The following FAM163B variants were observed in gnomAD, a reference collection of about 807,000 sequenced individuals.
FAM163B encodes protein FAM163B.
FAM163B carries 4 observed loss-of-function variants against 7.6 expected under a neutral mutation model. That is an observed-to-expected ratio of 0.52 (90% CI 0.26 to 1.20). The LOEUF (loss-of-function observed/expected upper bound fraction) is 1.20, where lower values mean the gene tolerates loss of function less well. FAM163B is among the 50% of genes most tolerant of loss of function. The probability of loss-of-function intolerance (pLI) is 0.14; values close to 1 mark genes in which losing one functional copy is unlikely to be tolerated. For missense variants in FAM163B, 250 were observed against 243.0 expected (o/e 1.03, Z -0.19); for synonymous variants, 120 against 111.6 (o/e 1.07, Z -0.47).
intron 1 of FAM163B, among the ~76,000 whole-genome samples, chr9:133,598,385 T>G (rs1831661569): frequency 2.0e-5 from 3 of 149,324 alleles, no homozygotes. Flanking sequence ...AACACAGGAG[T>G]GTGAAACAAA....
intron 1 of FAM163B, among the ~76,000 whole-genome samples, chr9:133,604,661 G>A (rs999041950): frequency 5.3e-5 from 8 of 152,210 alleles, no homozygotes; most frequent in African/African-American, 1.2e-4. Flanking sequence ...CGTGGTGGGC[G>A]GTGAGTCTCA....
intron 1 of FAM163B, among the ~76,000 whole-genome samples, chr9:133,605,631 C>G (rs1249352094): frequency 6.6e-6 from 1 of 152,208 alleles, no homozygotes; most frequent in Non-Finnish European, 1.5e-5. Flanking sequence ...TAACATCCAG[C>G]CCAGTGGGAT....
intron 1 of FAM163B, among the ~76,000 whole-genome samples, chr9:133,585,215 G>A (rs1302237416): frequency 1.3e-5 from 2 of 152,220 alleles, no homozygotes; most frequent in African/African-American, 4.8e-5. Flanking sequence ...AATGAATGGC[G>A]TGGAGCTGGG....
chr9:133,592,297 C>G (rs1240510081), intron 1 of FAM163B, among the ~76,000 whole-genome samples: 1 of 152,192 alleles, frequency 6.6e-6, no homozygotes, highest in African/African-American at 2.4e-5. Context: ...GGAATCACGA[C>G]TGCAACTCCA....
chr9:133,588,610 T>C, intron 1 of FAM163B, among the ~76,000 whole-genome samples: 1 of 152,216 alleles, frequency 6.6e-6, no homozygotes, highest in Non-Finnish European at 1.5e-5. Context: ...GGATCTAGGA[T>C]GCTGAAGGAT....
chr9:133,594,137 C>A (rs555962050), intron 1 of FAM163B, among the ~76,000 whole-genome samples: 2 of 152,234 alleles, frequency 1.3e-5, no homozygotes, highest in African/African-American at 4.8e-5. Flanking sequence ...CCAGTGGCCA[C>A]GTCCAGAGCT....
chr9:133,609,037 T>G (rs1380929005), intron 1 of FAM163B, among the ~76,000 whole-genome samples, 40 bp downstream of exon 1: 1 of 152,186 alleles, frequency 6.6e-6, no homozygotes, highest in Non-Finnish European at 1.5e-5. Flanking sequence ...CTGCGTCTTC[T>G]GCCCCACACC....
rs1386879691 is a variant in FAM163B at position 133,577,659 on chromosome 9, C to T, written c.*1363G>A. Among the ~76,000 whole-genome samples the T allele has an allele frequency of 1.3e-5, 2 of 152,176 alleles. No individual in the cohort carries two copies. The highest frequency in any genetic ancestry group is 4.8e-5 in the African/African-American group (2 of 41,456). ...CCGGCCCTGGGGCTCCATGGCAGGG[C>T]ACAAAAGGAGAGGCAGAGCCCCAGA... On this transcript the variant is annotated 3_prime_UTR_variant, in exon 3 of 3. Coordinates refer to ENST00000673969, the MANE Select transcript of FAM163B (RefSeq NM_001080515.3).
At chr9:133,584,680 G>A (rs1831406554) in intron 1 of FAM163B, among the ~76,000 whole-genome samples, 1 of 152,214 alleles carries the variant, frequency 6.6e-6, no homozygotes. Context: ...GATGGGGGAG[G>A]AACCGAGGGA....
rs575618104 is a variant in FAM163B at position 133,600,518 on chromosome 9, A to G, written c.-24+8559T>C. 1.1e-3 allele frequency among the ~76,000 whole-genome samples: 163 copies of G among 152,216 alleles called. No homozygotes were observed. Among genetic ancestry groups the G allele is most frequent in the African/African-American group, 3.8e-3 (156 of 41,528 alleles). ...AGATGGCCCCTGCAGCTGGGCCTCT[A>G]GATTCCTGCAGTTCATTTAAAGCTG... On this transcript the variant is annotated intron_variant, in intron 1 of 2. Transcript: ENST00000673969. This position sits in a 1 kb window ranked among gnomAD's most constrained non-coding sequence, Gnocchi z 4.9.
At chr9:133,594,170 G>T (rs1156714002) in intron 1 of FAM163B, among the ~76,000 whole-genome samples, 3 of 152,228 alleles carry the variant, frequency 2.0e-5, no homozygotes, top group East Asian at 3.8e-4. Context: ...TAGTGCCAAG[G>T]TTTCCTTTAC....
intron 1 of FAM163B, among the ~76,000 whole-genome samples, chr9:133,590,869 G>T (rs1051646188): frequency 1.3e-5 from 2 of 152,242 alleles, no homozygotes; most frequent in Non-Finnish European, 2.9e-5. Context: ...CAGGACATGG[G>T]ACACATGGGG....
chr9:133,586,261 C>A (rs1831436537), intron 1 of FAM163B: 1 of 152,342 alleles, frequency 6.6e-6, no homozygotes, highest in African/African-American at 2.4e-5. Context: ...CCAGCTCTAT[C>A]CCCAGCTCAG....
chr9:133,607,816 G>C (rs2131267498), intron 1 of FAM163B, among the ~76,000 whole-genome samples: 1 of 152,290 alleles, frequency 6.6e-6, no homozygotes, highest in South Asian at 2.1e-4. Context: ...GAGCCTTAGG[G>C]TGAGATTTTT....
At chr9:133,604,787 A>G (rs1472880848) in intron 1 of FAM163B, among the ~76,000 whole-genome samples, 2 of 152,122 alleles carry the variant, frequency 1.3e-5, no homozygotes, top group Non-Finnish European at 2.9e-5. Flanking sequence ...CTGGTCCCCG[A>G]ACCCCATCTG....
At chr9:133,580,908 T>G (rs1463854347) in intron 1 of FAM163B, among the ~76,000 whole-genome samples, 5 of 152,234 alleles carry the variant, frequency 3.3e-5, no homozygotes, top group Admixed American at 2.0e-4. Flanking sequence ...TGAAAACCAA[T>G]TCCTGCCTGA....
At chr9:133,588,181 T>A (rs1399034203) in intron 1 of FAM163B, among the ~76,000 whole-genome samples, 1 of 152,152 alleles carries the variant, frequency 6.6e-6, no homozygotes, top group Non-Finnish European at 1.5e-5. Context: ...CAAAAATCAC[T>A]GACCAGTCCC....
At chr9:133,602,218 G>A (rs569360417) in intron 1 of FAM163B, among the ~76,000 whole-genome samples, 3 of 152,274 alleles carry the variant, frequency 2.0e-5, no homozygotes, top group Admixed American at 6.5e-5. Flanking sequence ...TGGGATCTCC[G>A]GTGGATGACG....
intron 1 of FAM163B, among the ~76,000 whole-genome samples, chr9:133,585,194 C>T (rs1205721917): frequency 2.0e-5 from 3 of 152,192 alleles, no homozygotes; most frequent in East Asian, 1.9e-4. Flanking sequence ...CCTGCGGCAC[C>T]GGCACCGAGG....
Sources: allele counts gnomAD v4.1 joint callset (sites outside exome capture counted in the v4.1 genomes callset), GRCh38; gene constraint gnomAD v4.1.1; non-coding constraint Gnocchi (gnomAD v3.1); transcripts MANE v1.5; gene names NCBI Gene and HGNC (gene_info 2026-07-23, HGNC 2026-07-21).